The following PCDHA5 variants were observed in gnomAD, a reference collection of about 807,000 sequenced individuals.
The protein encoded by PCDHA5 is protocadherin alpha-5.
PCDHA5 carries 43 observed loss-of-function variants against 61.6 expected under a neutral mutation model. That is an observed-to-expected ratio of 0.70 (90% CI 0.55 to 0.90). The LOEUF (loss-of-function observed/expected upper bound fraction) is 0.90, where lower values mean the gene tolerates loss of function less well. Ranked by LOEUF, PCDHA5 falls within the 40% of genes least tolerant of loss-of-function variation. The pLI is 0.00. For missense variants in PCDHA5, 1,298 were observed against 1,222.7 expected, an observed-to-expected ratio of 1.06 and a Z score of -0.92; for synonymous variants, 627 against 543.9, an observed-to-expected ratio of 1.15 and a Z score of -2.13.
intron 1 of PCDHA5, chr5:140,867,294 T>A (rs987236296): frequency 6.6e-6 from 1 of 152,152 alleles, no homozygotes; most frequent in Admixed American, 6.5e-5. Flanking sequence ...TCAAATATCA[T>A]GTTGAATATA....
chr5:140,837,300 A>C (rs78200905), intron 1 of PCDHA5: 1 of 151,976 alleles, frequency 6.6e-6, no homozygotes, highest in Non-Finnish European at 1.5e-5. Flanking sequence ...CTTTGTTGAG[A>C]TGTATTTGCC....
intron 1 of PCDHA5, among the ~76,000 whole-genome samples, chr5:140,971,716 A>G (rs1554233565): frequency 1.3e-5 from 2 of 152,026 alleles, no homozygotes; most frequent in African/African-American, 4.8e-5. Context: ...ATATAGATAT[A>G]TGTATATCAT....
intron 1 of PCDHA5, among the ~76,000 whole-genome samples, chr5:140,969,735 T>A (rs1029423690): frequency 2.6e-5 from 4 of 152,188 alleles, no homozygotes; most frequent in Non-Finnish European, 5.9e-5. Flanking sequence ...TGAAATCCTA[T>A]ATGAGTGATG....
At chr5:140,883,773 G>T (rs1362933627) in intron 1 of PCDHA5, 4 of 1,612,256 alleles carry the variant, frequency 2.5e-6, no homozygotes, top group Admixed American at 1.7e-5. Flanking sequence ...GTGGGCGAGC[G>T]TGCGCTGTCG....
chr5:140,952,496 G>A (rs2094755026), intron 1 of PCDHA5, among the ~76,000 whole-genome samples: 1 of 152,112 alleles, frequency 6.6e-6, no homozygotes, highest in Non-Finnish European at 1.5e-5. Flanking sequence ...CCAGTCCTCA[G>A]TAAGTTCCTC....
chr5:140,873,621 T>C (rs1282269984), intron 1 of PCDHA5, among the ~76,000 whole-genome samples: 2 of 152,186 alleles, frequency 1.3e-5, no homozygotes, highest in African/African-American at 4.8e-5. Flanking sequence ...TAACAATTTG[T>C]TTAGGTCAAA....
intron 1 of PCDHA5, among the ~76,000 whole-genome samples, chr5:140,944,956 A>T (rs2093715486): frequency 6.6e-6 from 1 of 152,140 alleles, no homozygotes; most frequent in Non-Finnish European, 1.5e-5. Context: ...GAATAAGAGT[A>T]TTATCTTAAC....
chr5:140,966,934 G>A (rs782780798), intron 1 of PCDHA5: 6 of 1,604,080 alleles, frequency 3.7e-6, no homozygotes, highest in South Asian at 2.2e-5. Flanking sequence ...CACCCGGCGC[G>A]CTCGTGGGCA....
chr5:140,922,207 T>C (rs1208986922), intron 1 of PCDHA5, among the ~76,000 whole-genome samples: 3 of 152,162 alleles, frequency 2.0e-5, no homozygotes, highest in Non-Finnish European at 2.9e-5. Context: ...AATGAAACTT[T>C]GTAAAACATT....
chr5:140,857,420 G>A (rs2044582609), intron 1 of PCDHA5: 2 of 1,598,360 alleles, frequency 1.3e-6, no homozygotes, highest in Non-Finnish European at 1.7e-6. Flanking sequence ...CGCGCAGTCC[G>A]AGTACACGGT....
At position 140,994,426 on chromosome 5, in the gene PCDHA5, G is replaced by A. The variant is rs994056098; in HGVS notation, c.2500+11863G>A. Among the ~76,000 whole-genome samples the A allele has an allele frequency of 3.9e-5, 6 of 152,110 alleles. No homozygotes were observed. In the East Asian group the frequency reaches 1.2e-3, roughly 29 times the overall value. ...CATTTAATACTGGATATTGAGGCCG[G>A]GCGCAGTGGCTCACACCTGTGATCC... On this transcript the variant is annotated intron_variant, in intron 3 of 3. Coordinates refer to ENST00000529859, the MANE Select transcript of PCDHA5 (RefSeq NM_018908.3).
At chr5:140,893,264 A>G (rs1554185566) in intron 1 of PCDHA5, among the ~76,000 whole-genome samples, 1 of 152,172 alleles carries the variant, frequency 6.6e-6, no homozygotes, top group East Asian at 1.9e-4. Flanking sequence ...ATAAATGCCC[A>G]ATAGTGGAAT....
intron 1 of PCDHA5, chr5:140,855,997 T>C (rs1562502842): frequency 1.3e-6 from 2 of 1,505,732 alleles, no homozygotes; most frequent in Non-Finnish European, 1.8e-6. Flanking sequence ...TCAGATCGTA[T>C]GTGCGTTCTA....
At chr5:140,975,475 A>G (rs546732390) in intron 1 of PCDHA5, among the ~76,000 whole-genome samples, 5 of 152,368 alleles carry the variant, frequency 3.3e-5, no homozygotes, top group African/African-American at 1.2e-4. Flanking sequence ...TCTGCCTATC[A>G]GTTTATATCA....
chr5:140,982,413 G>A, intron 2 of PCDHA5, 62 bp from the exon 3 acceptor site: 2 of 1,609,608 alleles, frequency 1.2e-6, no homozygotes, highest in Non-Finnish European at 1.7e-6. Flanking sequence ...TTCTGAGGGT[G>A]GAAGAAGAGA....
At position 140,822,091 on chromosome 5, in the gene PCDHA5, G is replaced by T; in HGVS notation, c.316G>T (p.Glu106Ter). The T allele has an allele frequency of 6.2e-7, 1 of 1,614,242 alleles. No individual in the cohort carries two copies. The highest frequency in any genetic ancestry group is 8.5e-7 in the Non-Finnish European group (1 of 1,180,046). The change falls in exon 1 of 4, where the codon GAG becomes TAG. Residue 106 changes from glutamate to a stop codon, truncating the protein, a stop_gained. Transcript: ENST00000529859. LOFTEE classifies it high-confidence loss of function. ...GAGGGCGGAGTGCAGCATCCACCTG[G>T]AGGTGATCGTGGACAGGCCGCTGCA... is the stretch of plus-strand genomic sequence containing the variant. ...RRRAECSIHL[E>*]VIVDRPLQVF... is the part of the protein sequence containing the mutation.
chr5:140,848,575 G>A lies in PCDHA5; in HGVS notation c.2352+24448G>A, dbSNP rs1554142211. 6 of 1,595,558 alleles carry A rather than the reference G, an allele frequency of 3.8e-6. 1 individual carries two copies. In the East Asian group the frequency reaches 1.3e-4, roughly 36 times the overall value. ...CTGATCCTCGCAATGTGGGTGGTGG[G>A]GAGCGGCCAGCTCCACTACTCCGTC... On this transcript the variant is annotated intron_variant, in intron 1 of 3. Coordinates refer to ENST00000529859, the MANE Select transcript of PCDHA5 (RefSeq NM_018908.3).
At chr5:140,905,033 T>C (rs1325621385) in intron 1 of PCDHA5, among the ~76,000 whole-genome samples, 3 of 152,234 alleles carry the variant, frequency 2.0e-5, no homozygotes, top group African/African-American at 7.2e-5. Context: ...AGAAGCTTTT[T>C]AGTTTAATTA....
At position 140,883,588 on chromosome 5, in the gene PCDHA5, C is replaced by A. The variant is rs781923113; in HGVS notation, c.2352+59461C>A. 5.6e-6 allele frequency: 9 copies of A among 1,613,794 alleles called. No homozygotes were observed. In the East Asian group the frequency reaches 6.7e-5, roughly 12 times the overall value. ...CGCCTTCGCTGTGGGCCACGGCCAG[C>A]GTGTCGGTGGGGGTGGCCGACGTGA... is the stretch of plus-strand genomic sequence containing the variant. On this transcript the variant is annotated intron_variant, in intron 1 of 3. Coordinates refer to ENST00000529859, the MANE Select transcript of PCDHA5 (RefSeq NM_018908.3).
Sources: gnomAD v4.1 joint callset for allele counts (sites outside exome capture counted in the v4.1 genomes callset) on GRCh38, gnomAD v4.1.1 for gene constraint, MANE v1.5 for transcripts, NCBI Gene and HGNC (gene_info 2026-07-23, HGNC 2026-07-21) for gene names.